Variants in LRRC37A2 observed in about 807,000 individuals in gnomAD.
LRRC37A2 encodes leucine-rich repeat-containing protein 37A2.
LRRC37A2 carries 9 observed loss-of-function variants against 68.8 expected under a neutral mutation model. That is an observed-to-expected ratio of 0.13 (90% confidence interval 0.08 to 0.23). The LOEUF is 0.23. Among genes scored for constraint, LRRC37A2 ranks in the 10% least tolerant of loss-of-function variants. The pLI, the probability that LRRC37A2 is intolerant of heterozygous loss-of-function variation, is 1.00. For missense variants in LRRC37A2, 168 were observed against 950.4 expected, an observed-to-expected ratio of 0.18 and a Z score of 10.82; for synonymous variants, 63 against 367.6, an observed-to-expected ratio of 0.17 and a Z score of 9.48.
the LRRC37A2 span, among the ~76,000 whole-genome samples, chr17:46,828,423 G>C: frequency 5.3e-5 from 8 of 152,024 alleles, 1 homozygote; most frequent in South Asian, 1.7e-3. Flanking sequence ...GGGTGGTCTT[G>C]AACTCCTGAG....
chr17:46,940,528 C>T, the LRRC37A2 span: 13 of 1,613,796 alleles, frequency 8.1e-6, no homozygotes, highest in African/African-American at 9.3e-5. Context: ...TCTGAGACTG[C>T]GACGGCAAGG....
the LRRC37A2 span, among the ~76,000 whole-genome samples, chr17:47,005,418 C>T: frequency 3.6e-4 from 55 of 152,194 alleles, no homozygotes; most frequent in East Asian, 0.01. Context: ...TCTGTTTTTT[C>T]GTATGTAAAA....
chr17:46,987,488 A>G, the LRRC37A2 span, among the ~76,000 whole-genome samples: 1 of 152,222 alleles, frequency 6.6e-6, no homozygotes, highest in Non-Finnish European at 1.5e-5. Context: ...GAAAAAAATT[A>G]TATTTTTTGA....
At chr17:46,762,836 G>A in the LRRC37A2 span, 57 of 152,150 alleles carry the variant, frequency 3.7e-4, no homozygotes, top group African/African-American at 1.4e-3. Flanking sequence ...ACTTGAATAC[G>A]CCCCAGAAAC....
chr17:46,717,530 G>A, the LRRC37A2 span, among the ~76,000 whole-genome samples: 3 of 152,096 alleles, frequency 2.0e-5, no homozygotes, highest in Non-Finnish European at 4.4e-5. Context: ...GACTAACATG[G>A]TGAAACCCCG....
At chr17:46,821,998 T>C in the LRRC37A2 span, among the ~76,000 whole-genome samples, 1 of 152,038 alleles carries the variant, frequency 6.6e-6, no homozygotes, top group Non-Finnish European at 1.5e-5. Flanking sequence ...TTGAAACAGG[T>C]CTTGGGGCTG....
At chr17:46,974,993 T>C in the LRRC37A2 span, among the ~76,000 whole-genome samples, 5 of 12,720 alleles carry the variant, frequency 3.9e-4, no homozygotes, top group African/African-American at 6.5e-4. Context: ...TTTTCTTTTT[T>C]TTTTTTTTTT....
At chr17:46,844,303 A>AT in the LRRC37A2 span, among the ~76,000 whole-genome samples, 1 of 102,276 alleles carries the variant, frequency 9.8e-6, no homozygotes, top group African/African-American at 4.3e-5. Flanking sequence ...GGAGTTAGCC[A>AT]CCTTTTTTTT....
the LRRC37A2 span, among the ~76,000 whole-genome samples, chr17:46,955,966 G>A: frequency 1.3e-5 from 2 of 152,168 alleles, no homozygotes; most frequent in African/African-American, 4.8e-5. Context: ...TTGGGATCCA[G>A]ATGCTGTCTC....
chr17:46,808,861 A>AC, the LRRC37A2 span, among the ~76,000 whole-genome samples: 1 of 151,886 alleles, frequency 6.6e-6, no homozygotes, highest in African/African-American at 2.4e-5. Context: ...GCTCATCTCC[A>AC]CTCCTGGGAC....
At chr17:46,612,288 G>C in the LRRC37A2 span, among the ~76,000 whole-genome samples, 1 of 67,978 alleles carries the variant, frequency 1.5e-5, no homozygotes, top group Non-Finnish European at 2.7e-5. Flanking sequence ...CATTGCTGAT[G>C]GGAATGTAAA....
the LRRC37A2 span, among the ~76,000 whole-genome samples, chr17:46,954,860 A>G: frequency 1.3e-5 from 2 of 152,186 alleles, no homozygotes; most frequent in Non-Finnish European, 2.9e-5. Context: ...ATTTTTGCAC[A>G]TTGATTTTGT....
chr17:47,038,991 A>G, the LRRC37A2 span, among the ~76,000 whole-genome samples: 24,197 of 143,226 alleles, frequency 0.17, 2,780 homozygotes, highest in East Asian at 0.53. Flanking sequence ...ACTGCGCCCA[A>G]CCAGTGCTTT....
the LRRC37A2 span, among the ~76,000 whole-genome samples, chr17:46,842,831 C>G: frequency 1.2e-4 from 19 of 152,204 alleles, 1 homozygote; most frequent in Admixed American, 1.3e-4. Context: ...GACAGTGCAC[C>G]TCTTCTGAAT....
the LRRC37A2 span, chr17:46,721,838 G>A: frequency 5.0e-6 from 8 of 1,592,698 alleles, no homozygotes; most frequent in African/African-American, 8.0e-5. Flanking sequence ...CTTATTTTTT[G>A]TACGGCTTTT....
chr17:46,379,866 GTTTTTTTTTTTTTTTT>G, the LRRC37A2 span, among the ~76,000 whole-genome samples: 2 of 47,876 alleles, frequency 4.2e-5, no homozygotes, highest in East Asian at 6.6e-4. Flanking sequence ...TTGCAATACT[GTTTTTTTTTTTTTTTT>G]TTTTTTTTTT....
At chr17:47,002,000 A>G in the LRRC37A2 span, among the ~76,000 whole-genome samples, 1 of 151,966 alleles carries the variant, frequency 6.6e-6, no homozygotes, top group African/African-American at 2.4e-5. Context: ...CGGCCCCCCA[A>G]AGTGCTGGGA....
the LRRC37A2 span, among the ~76,000 whole-genome samples, chr17:47,029,255 G>A: frequency 6.6e-6 from 1 of 151,806 alleles, no homozygotes; most frequent in Non-Finnish European, 1.5e-5. Context: ...GCCTGGCCAA[G>A]ATGGTGTTTA....
At chr17:46,804,136 G>A in the LRRC37A2 span, among the ~76,000 whole-genome samples, 3 of 152,002 alleles carry the variant, frequency 2.0e-5, no homozygotes, top group African/African-American at 4.8e-5. Flanking sequence ...TGCCCAGGCT[G>A]GAGTGCAGTG....
Sources: gnomAD v4.1 joint callset for allele counts (sites outside exome capture counted in the v4.1 genomes callset) on GRCh38, gnomAD v4.1.1 for gene constraint, MANE v1.5 for transcripts, NCBI Gene and HGNC (gene_info 2026-07-23, HGNC 2026-07-21) for gene names.